UNC13A: variants seen among roughly 807,000 people sequenced by gnomAD.
The protein encoded by UNC13A is protein unc-13 homolog A.
A neutral mutation model predicts 219.7 loss-of-function variants in UNC13A; 61 were observed. That is an observed-to-expected ratio of 0.28 (90% CI 0.23 to 0.34). The LOEUF is 0.34. Among genes scored for constraint, UNC13A ranks in the 10% least tolerant of loss-of-function variants. The pLI is 1.00. For synonymous variants in UNC13A, 920 were observed against 884.6 expected (o/e 1.04, Z -0.71); for missense variants, 1,476 against 2,270.3 (o/e 0.65, Z 7.11).
chr19:17,660,506 TTTTG>T (rs1330652992), intron 8 of UNC13A, among the ~76,000 whole-genome samples: 1 of 147,122 alleles, frequency 6.8e-6, no homozygotes, highest in Admixed American at 7.0e-5. Context: ...TGCATTGGTG[TTTTG>T]TTTTGTTTGT....
chr19:17,641,718 C>A (rs2076972055), intron 20 of UNC13A, among the ~76,000 whole-genome samples, 162 bp from the exon 21 acceptor site: 1 of 151,700 alleles, frequency 6.6e-6, no homozygotes, highest in Non-Finnish European at 1.5e-5. Context: ...CTAACTACCC[C>A]AAATTTCACC....
chr19:17,666,175 CTT>C (rs2079641861), intron 7 of UNC13A, among the ~76,000 whole-genome samples: 2 of 126,500 alleles, frequency 1.6e-5, no homozygotes, highest in Admixed American at 8.1e-5. Context: ...TCCTTTCTTT[CTT>C]TCTCTCTCTC....
intron 41 of UNC13A, 136 bp from the exon 42 acceptor site, chr19:17,611,991 G>GT (rs2076609526): frequency 6.1e-6 from 4 of 651,452 alleles, no homozygotes; most frequent in Non-Finnish European, 1.0e-5. Context: ...CTGATGGGGG[G>GT]CCAGGATGGG....
At chr19:17,683,673 A>C (rs2080060103) in intron 1 of UNC13A, among the ~76,000 whole-genome samples, 1 of 152,164 alleles carries the variant, frequency 6.6e-6, no homozygotes, top group African/African-American at 2.4e-5. Context: ...ACAAACAAAC[A>C]AACAAAAAAG....
At chr19:17,666,817 C>T (rs2079656669) in intron 6 of UNC13A, 113 bp from the exon 7 acceptor site, 2 of 659,564 alleles carry the variant, frequency 3.0e-6, no homozygotes, top group Non-Finnish European at 4.5e-6. Context: ...CCCAAATTCT[C>T]TCCCTCTCTA....
intron 30 of UNC13A, 71 bp from the exon 31 acceptor site, chr19:17,629,394 G>A: frequency 7.1e-7 from 1 of 1,399,882 alleles, no homozygotes; most frequent in Non-Finnish European, 9.9e-7. Context: ...TCCCATCAAG[G>A]CCACTAGTGA....
In UNC13A at chr19:17,655,392, G is replaced by C; in HGVS notation, c.1284-10C>G. On this transcript the variant is annotated splice_polypyrimidine_tract_variant and intron_variant, in intron 10 of 43. Transcript: ENST00000519716. ...CTCTCTCGGCCTGAAACTGAGGCAGGGAACGCTATGAGGCTCTGGGCTGGC... is the reference window on the plus strand; with the variant it reads ...CTCTCTCGGCCTGAAACTGAGGCAGCGAACGCTATGAGGCTCTGGGCTGGC... 6.4e-7 allele frequency: 1 copy of C among 1,562,976 alleles called. No individual in the cohort carries two copies. The highest frequency in any genetic ancestry group is 8.7e-7 in the Non-Finnish European group (1 of 1,153,554).
At chr19:17,611,879 T>C in intron 41 of UNC13A, 24 bp from the exon 42 acceptor site, 2 of 1,605,346 alleles carry the variant, frequency 1.2e-6, no homozygotes, top group Non-Finnish European at 1.7e-6. Flanking sequence ...GGGAGGATGG[T>C]CAGCGTGAGC....
chr19:17,631,626 T>C (rs997271948), intron 28 of UNC13A, among the ~76,000 whole-genome samples: 2 of 152,178 alleles, frequency 1.3e-5, no homozygotes, highest in African/African-American at 4.8e-5. Context: ...GGCACCGTAC[T>C]ATCCTCCAAC....
intron 36 of UNC13A, chr19:17,622,582 C>A (rs1386609619): frequency 6.5e-6 from 1 of 153,042 alleles, no homozygotes; most frequent in Non-Finnish European, 1.5e-5. Context: ...AATCTTGTAA[C>A]AGCCTTGTCT....
intron 26 of UNC13A, among the ~76,000 whole-genome samples, chr19:17,633,807 A>G (rs1401636546): frequency 6.6e-6 from 1 of 150,850 alleles, no homozygotes; most frequent in Non-Finnish European, 1.5e-5. Flanking sequence ...CCACCCATCT[A>G]TCTGTTCATC....
intron 5 of UNC13A, 83 bp from the exon 6 acceptor site, chr19:17,668,273 C>G (rs115019056): frequency 1.4e-6 from 2 of 1,380,420 alleles, no homozygotes; most frequent in African/African-American, 1.4e-5. Flanking sequence ...GAGCTCCACC[C>G]GGGCCCTGGC....
Position 17,632,919 on chromosome 19 carries a change from AC to A in UNC13A, c.3302-12del, listed in dbSNP as rs1344998099. The A allele has an allele frequency of 6.2e-7, 1 of 1,613,746 alleles. No individual in the cohort carries two copies. Among genetic ancestry groups the A allele is most frequent in the Admixed American group, 1.7e-5 (1 of 59,986 alleles). On this transcript the variant is annotated splice_polypyrimidine_tract_variant and intron_variant, in intron 27 of 43. Coordinates refer to ENST00000519716, the MANE Select transcript of UNC13A (RefSeq NM_001080421.3). Reference sequence around the variant, plus strand: ...GATGCTTGTCGTGCTCTGGCCAGGGACAAAGAGGATGGCACAGCTGGAAGGG... The same window carrying A: ...GATGCTTGTCGTGCTCTGGCCAGGGAAAAGAGGATGGCACAGCTGGAAGGG...
chr19:17,628,587 C>T (rs1020074673), intron 31 of UNC13A, among the ~76,000 whole-genome samples: 2 of 151,926 alleles, frequency 1.3e-5, no homozygotes, highest in Non-Finnish European at 1.5e-5. Context: ...CACACTATAA[C>T]CAGTTAACAC....
At chr19:17,636,299 G>C in intron 25 of UNC13A, 142 bp from the exon 26 acceptor site, 1 of 1,057,928 alleles carries the variant, frequency 9.5e-7, no homozygotes, top group Non-Finnish European at 1.3e-6. Flanking sequence ...TATATAGAGA[G>C]GAATTGAACT....
At chr19:17,646,944 T>A (rs12986009) in intron 17 of UNC13A, among the ~76,000 whole-genome samples, 1 of 151,968 alleles carries the variant, frequency 6.6e-6, no homozygotes, top group African/African-American at 2.4e-5. Context: ...CAGGACTCCT[T>A]CCATCCCTGT....
chr19:17,647,174 A>T, intron 17 of UNC13A, 91 bp downstream of exon 17: 1 of 1,252,220 alleles, frequency 8.0e-7, no homozygotes, highest in Non-Finnish European at 1.1e-6. Context: ...TGCGCGCTGC[A>T]AAGGAGAGGG....
At chr19:17,680,948 G>A (rs114653082) in intron 1 of UNC13A, among the ~76,000 whole-genome samples, 1,673 of 122,910 alleles carry the variant, frequency 0.014, 36 homozygotes, top group African/African-American at 0.051. Context: ...GCTCCAGGCT[G>A]GAGGGCAGTG....
intron 26 of UNC13A, 89 bp from the exon 27 acceptor site, chr19:17,633,282 T>C (rs2076876940): frequency 2.4e-6 from 3 of 1,244,818 alleles, no homozygotes; most frequent in African/African-American, 1.5e-5. Flanking sequence ...CAGAGGAGTG[T>C]AGGGTAGGGT....
Sources: allele counts gnomAD v4.1 joint callset (sites outside exome capture counted in the v4.1 genomes callset), GRCh38; gene constraint gnomAD v4.1.1; transcripts MANE v1.5; gene names NCBI Gene and HGNC (gene_info 2026-07-23, HGNC 2026-07-21).